EXT1: variants seen among roughly 807,000 people sequenced by gnomAD.
The protein encoded by EXT1 is exostosin-1.
Under a neutral mutation model 82.5 loss-of-function variants are expected in EXT1, and 20 were observed. The ratio of observed to expected loss-of-function variants is 0.24; its 90% CI spans 0.17 to 0.35. The LOEUF (loss-of-function observed/expected upper bound fraction) is 0.35. EXT1 is among the 10% of genes least tolerant of loss of function. The pLI is 1.00. For missense variants in EXT1, 757 were observed against 936.5 expected (o/e 0.81, Z 2.50); for synonymous variants, 348 against 350.8 (o/e 0.99, Z 0.09).
At chr8:118,002,700 T>G (rs1815697718) in intron 1 of EXT1, among the ~76,000 whole-genome samples, 1 of 151,506 alleles carries the variant, frequency 6.6e-6, no homozygotes, top group Non-Finnish European at 1.5e-5. Flanking sequence ...CCCCCCTAAT[T>G]TTTTTGTATT....
At chr8:117,964,125 C>A (rs1406848425) in intron 1 of EXT1, among the ~76,000 whole-genome samples, 1 of 152,184 alleles carries the variant, frequency 6.6e-6, no homozygotes, top group Non-Finnish European at 1.5e-5. Flanking sequence ...TTTACTTATA[C>A]ACTTTACCTA....
chr8:117,983,713 A>C (rs900517495), intron 1 of EXT1, among the ~76,000 whole-genome samples: 1 of 152,206 alleles, frequency 6.6e-6, no homozygotes, highest in African/African-American at 2.4e-5. Flanking sequence ...GAATCTAATG[A>C]ATTAATGTAT....
rs17454287 is a variant in EXT1, at chr8:118,102,826, A to G, written c.962+7259T>C. ...TCCCAATCTTCCACAGAGGCTATGC[A>G]TACTTTTTTTTTTCTTGCTTTCTTT... On this transcript the variant is annotated intron_variant, in intron 1 of 10. Coordinates refer to ENST00000378204, the MANE Select transcript of EXT1 (RefSeq NM_000127.3). Among the ~76,000 whole-genome samples the G allele has an allele frequency of 6.9e-3, 1,042 of 151,670 alleles. 2 individuals are homozygous for G. Among genetic ancestry groups the G allele is most frequent in the Non-Finnish European group, 0.011 (731 of 68,014 alleles).
At chr8:117,854,090 C>T (rs1360610219) in intron 1 of EXT1, among the ~76,000 whole-genome samples, 1 of 152,190 alleles carries the variant, frequency 6.6e-6, no homozygotes, top group African/African-American at 2.4e-5. Flanking sequence ...CAGGAGAAGC[C>T]CTAAGATGAC....
chr8:117,921,534 C>A (rs1311755076), intron 1 of EXT1, among the ~76,000 whole-genome samples: 21 of 152,200 alleles, frequency 1.4e-4, no homozygotes, highest in Admixed American at 1.3e-3. Flanking sequence ...CTAGTTCAGA[C>A]AACTTCATGA....
chr8:117,866,027 C>A (rs1812769334), intron 1 of EXT1, among the ~76,000 whole-genome samples: 1 of 152,142 alleles, frequency 6.6e-6, no homozygotes, highest in African/African-American at 2.4e-5. Flanking sequence ...GAGTTTGAGA[C>A]CAGCCTGGCC....
intron 1 of EXT1, among the ~76,000 whole-genome samples, chr8:118,090,731 A>T (rs1047312238): frequency 2.3e-5 from 3 of 132,430 alleles, no homozygotes; most frequent in South Asian, 5.5e-4. Flanking sequence ...GTGGGCCAAG[A>T]TAGGGCCACT....
rs1039541693 is a variant in EXT1 at position 118,046,521 on chromosome 8, G to A, written c.962+63564C>T. 7.9e-5 allele frequency among the ~76,000 whole-genome samples: 12 copies of A among 152,304 alleles called. No homozygotes were observed. In the South Asian group the frequency reaches 1.0e-3, roughly 13 times the overall value. On this transcript the variant is annotated intron_variant, in intron 1 of 10. Transcript: ENST00000378204. ...GGCCAGAGTTCTGTGGGTAGGAAGC[G>A]GTGGGGCAGGAACTCAAACCAAGGC...
intron 1 of EXT1, among the ~76,000 whole-genome samples, chr8:117,973,984 A>AGGAAGGAG (rs1563617771): frequency 2.0e-5 from 3 of 151,362 alleles, no homozygotes; most frequent in Non-Finnish European, 4.4e-5. Flanking sequence ...GAAGGAAGGA[A>AGGAAGGAG]GGAAATAAAT....
chr8:118,063,184 T>C (rs1245859607), intron 1 of EXT1, among the ~76,000 whole-genome samples: 1 of 151,780 alleles, frequency 6.6e-6, no homozygotes, highest in East Asian at 1.9e-4. Context: ...TGGTAGAAAT[T>C]AAGCAACTGG....
At chr8:117,803,540 T>C (rs1823197464) in intron 10 of EXT1, among the ~76,000 whole-genome samples, 1 of 152,030 alleles carries the variant, frequency 6.6e-6, no homozygotes, top group South Asian at 2.1e-4. Flanking sequence ...CTGCTCAAGA[T>C]GAATAAAGAT....
intron 1 of EXT1, among the ~76,000 whole-genome samples, chr8:117,904,455 C>A (rs17504211): frequency 0.014 from 2,153 of 152,234 alleles, 49 homozygotes; most frequent in African/African-American, 0.045. Context: ...CACTTTAAGG[C>A]ATAAACATAC....
At chr8:117,953,747 A>G (rs1371997822) in intron 1 of EXT1, among the ~76,000 whole-genome samples, 1 of 151,930 alleles carries the variant, frequency 6.6e-6, no homozygotes, top group Non-Finnish European at 1.5e-5. Context: ...ATATTGTCAT[A>G]ATAATAATAC....
At chr8:118,091,804 T>C (rs908105354) in intron 1 of EXT1, among the ~76,000 whole-genome samples, 2 of 152,106 alleles carry the variant, frequency 1.3e-5, no homozygotes, top group African/African-American at 4.8e-5. Flanking sequence ...TATATATGTA[T>C]CTTCTAAACT....
At chr8:118,041,964 A>G (rs1292935528) in intron 1 of EXT1, among the ~76,000 whole-genome samples, 1 of 151,060 alleles carries the variant, frequency 6.6e-6, no homozygotes, top group Non-Finnish European at 1.5e-5. Flanking sequence ...AAAAAAAAAA[A>G]GAAAGAAAAG....
At chr8:117,998,750 C>T (rs540187914) in intron 1 of EXT1, among the ~76,000 whole-genome samples, 7 of 152,148 alleles carry the variant, frequency 4.6e-5, no homozygotes, top group Non-Finnish European at 7.4e-5. Context: ...CACTTGTTAC[C>T]GAGGGCTAAC....
chr8:117,829,327 G>A (rs977896494), intron 4 of EXT1, among the ~76,000 whole-genome samples: 5 of 151,738 alleles, frequency 3.3e-5, no homozygotes, highest in African/African-American at 9.7e-5. Flanking sequence ...ACTTGAGGAC[G>A]GGCGCCCATC....
At chr8:117,908,913 C>T (rs1399675836) in intron 1 of EXT1, among the ~76,000 whole-genome samples, 2 of 151,880 alleles carry the variant, frequency 1.3e-5, no homozygotes, top group Non-Finnish European at 2.9e-5. Flanking sequence ...CGCTTGAGCC[C>T]AGGAGTTCAA....
intron 1 of EXT1, among the ~76,000 whole-genome samples, chr8:117,888,515 C>A (rs1011538507): frequency 1.3e-5 from 2 of 151,978 alleles, no homozygotes; most frequent in African/African-American, 4.8e-5. Flanking sequence ...ATATATATAT[C>A]CTAGAAAGGA....
Sources: allele counts gnomAD v4.1 joint callset (sites outside exome capture counted in the v4.1 genomes callset), GRCh38; gene constraint gnomAD v4.1.1; transcripts MANE v1.5; gene names NCBI Gene and HGNC (gene_info 2026-07-23, HGNC 2026-07-21).